Variants in PHC2 observed in about 807,000 individuals in gnomAD.
The protein encoded by PHC2 is polyhomeotic-like protein 2.
In PHC2, 29 loss-of-function variants were observed where a neutral mutation model predicts 87.4. The observed-to-expected ratio is 0.33, with a 90% CI of 0.25 to 0.45. The LOEUF is 0.45. PHC2 is among the 20% of genes least tolerant of loss of function. The pLI is 1.00. For missense variants in PHC2, 857 were observed against 1,136.7 expected, an observed-to-expected ratio of 0.75 and a Z score of 3.54; for synonymous variants, 438 against 461.7, an observed-to-expected ratio of 0.95 and a Z score of 0.66.
intron 1 of PHC2, among the ~76,000 whole-genome samples, chr1:33,426,367 A>C (rs1454515943): frequency 2.0e-5 from 3 of 152,108 alleles, no homozygotes; most frequent in African/African-American, 7.2e-5. Context: ...AACGTGGTTA[A>C]AAAGGCACCA....
At chr1:33,410,589 C>T (rs1649944148) in intron 1 of PHC2, among the ~76,000 whole-genome samples, 1 of 152,186 alleles carries the variant, frequency 6.6e-6, no homozygotes, top group African/African-American at 2.4e-5. Context: ...CTTACTCACT[C>T]ATCTGCTTGA....
intron 7 of PHC2, chr1:33,363,959 C>G (rs1647282804): frequency 1.1e-6 from 1 of 952,320 alleles, no homozygotes; most frequent in African/African-American, 1.8e-5. Context: ...CCCTCCAAAG[C>G]CCAACCTCTT....
chr1:33,338,046 G>GC (rs1258836696), intron 9 of PHC2, among the ~76,000 whole-genome samples: 2 of 152,186 alleles, frequency 1.3e-5, no homozygotes, highest in East Asian at 3.9e-4. Context: ...TCAGAAAACA[G>GC]CCCCCCTCTG....
chr1:33,371,182 C>T, intron 3 of PHC2, 88 bp from the exon 4 acceptor site: 2 of 1,165,220 alleles, frequency 1.7e-6, no homozygotes, highest in Non-Finnish European at 2.6e-6. Context: ...GTGCTGCAGG[C>T]TGGTGTTAAG....
At chr1:33,416,037 T>C (rs542359317) in intron 1 of PHC2, among the ~76,000 whole-genome samples, 7 of 152,174 alleles carry the variant, frequency 4.6e-5, no homozygotes, top group South Asian at 4.2e-4. Flanking sequence ...AGCAATCTAA[T>C]ATTCATGAAA....
chr1:33,413,542 T>A (rs1650069023), intron 1 of PHC2, among the ~76,000 whole-genome samples: 1 of 152,174 alleles, frequency 6.6e-6, no homozygotes, highest in Non-Finnish European at 1.5e-5. Flanking sequence ...TAGTAAACAG[T>A]CACAGAAAAA....
intron 1 of PHC2, among the ~76,000 whole-genome samples, chr1:33,400,974 AT>A (rs1649497621): frequency 6.6e-6 from 1 of 152,154 alleles, no homozygotes; most frequent in Non-Finnish European, 1.5e-5. Flanking sequence ...CATTAAAGGA[AT>A]TGTCTGAAGG....
At chr1:33,360,977 G>T (rs999947323) in intron 7 of PHC2, among the ~76,000 whole-genome samples, 1 of 152,208 alleles carries the variant, frequency 6.6e-6, no homozygotes, top group Admixed American at 6.5e-5. Flanking sequence ...AGCGAGTACC[G>T]CAAGCCTAGG....
chr1:33,377,540 C>CT (rs774466055), intron 1 of PHC2, among the ~76,000 whole-genome samples: 48 of 152,020 alleles, frequency 3.2e-4, no homozygotes, highest in Non-Finnish European at 5.3e-4. Context: ...TTAAGTTCCT[C>CT]TTTTTTTCTT....
chr1:33,430,793 C>T lies in PHC2; in HGVS notation c.-55+183G>A, dbSNP rs1310428662. ...GCGGACCAGGGGTCAGGCCGCCTGC[C>T]GCCCGCCTGTCCGTGCCCATGGCAA... is the stretch of plus-strand genomic sequence containing the variant. On this transcript the variant is annotated intron_variant, in intron 1 of 14. Transcript: ENST00000683057. Among the ~76,000 whole-genome samples the T allele has an allele frequency of 3.3e-5, 5 of 150,242 alleles. No homozygotes were observed. The East Asian group carries it at 9.7e-4, about 29-fold the overall frequency.
intron 1 of PHC2, among the ~76,000 whole-genome samples, chr1:33,416,306 G>A (rs945360277): frequency 2.0e-5 from 3 of 151,704 alleles, no homozygotes; most frequent in Admixed American, 6.6e-5. Flanking sequence ...GGTGGCTCAC[G>A]CCTGTAATCC....
At chr1:33,352,535 AGGCTGGAACTATG>A (rs1253513948) in intron 9 of PHC2, among the ~76,000 whole-genome samples, 2 of 152,242 alleles carry the variant, frequency 1.3e-5, no homozygotes, top group Non-Finnish European at 2.9e-5. Context: ...TTTTCTTGCT[AGGCTGGAACTATG>A]GGCTGAATTT....
At chr1:33,400,906 G>GC (rs1237746101) in intron 1 of PHC2, among the ~76,000 whole-genome samples, 1 of 152,052 alleles carries the variant, frequency 6.6e-6, no homozygotes, top group Non-Finnish European at 1.5e-5. Flanking sequence ...GTATGTCAAC[G>GC]CATCATCATC....
chr1:33,384,584 A>T (rs565866227), intron 1 of PHC2, among the ~76,000 whole-genome samples: 53 of 152,270 alleles, frequency 3.5e-4, no homozygotes, highest in African/African-American at 1.2e-3. Context: ...TTCCAGAATT[A>T]GTCATATGCT....
intron 1 of PHC2, among the ~76,000 whole-genome samples, chr1:33,428,354 C>CA (rs1478750713): frequency 6.6e-6 from 1 of 152,232 alleles, no homozygotes; most frequent in African/African-American, 2.4e-5. Context: ...CCAGCACTTA[C>CA]AGTATCATCA....
intron 9 of PHC2, chr1:33,345,774 C>T: frequency 1.0e-6 from 1 of 985,208 alleles, no homozygotes; most frequent in Non-Finnish European, 1.2e-6. Context: ...TGATTATTTT[C>T]CTAACAATTC....
intron 1 of PHC2, among the ~76,000 whole-genome samples, chr1:33,402,428 A>G (rs779117110): frequency 5.9e-5 from 9 of 152,188 alleles, no homozygotes; most frequent in Non-Finnish European, 8.8e-5. Context: ...TAGCAATTCT[A>G]TTCTTATCTA....
intron 14 of PHC2, chr1:33,325,227 T>G (rs1570434475): frequency 5.4e-6 from 3 of 552,692 alleles, no homozygotes; most frequent in East Asian, 3.0e-5. Flanking sequence ...GATCTGGGCC[T>G]CCTCCTATGT....
chr1:33,393,392 G>GA (rs1649154861), intron 1 of PHC2, among the ~76,000 whole-genome samples: 1 of 150,846 alleles, frequency 6.6e-6, no homozygotes, highest in Non-Finnish European at 1.5e-5. Context: ...GTGCTGACTG[G>GA]AAAATCCTCA....
Sources: allele counts gnomAD v4.1 joint callset (sites outside exome capture counted in the v4.1 genomes callset), GRCh38; gene constraint gnomAD v4.1.1; transcripts MANE v1.5; gene names NCBI Gene and HGNC (gene_info 2026-07-23, HGNC 2026-07-21).